The following TECPR2 variants were observed in gnomAD, a reference collection of about 807,000 sequenced individuals.
The protein encoded by TECPR2 is tectonin beta-propeller repeat-containing protein 2.
TECPR2 carries 65 observed loss-of-function variants against 138.1 expected under a neutral mutation model. The observed-to-expected ratio is 0.47, with a 90% CI of 0.39 to 0.58. The LOEUF (loss-of-function observed/expected upper bound fraction) is 0.58. Among genes scored for constraint, TECPR2 ranks in the 20% least tolerant of loss-of-function variants. The pLI, the probability that TECPR2 is intolerant of heterozygous loss-of-function variation, is 0.00. For synonymous variants in TECPR2, 746 were observed against 749.8 expected, an observed-to-expected ratio of 0.99 and a Z score of 0.08; for missense variants, 1,553 against 1,824.5, an observed-to-expected ratio of 0.85 and a Z score of 2.71.
chr14:102,434,644 T>A lies in TECPR2; in HGVS notation c.1827T>A (p.Asn609Lys), dbSNP rs747371241. The A allele has an allele frequency of 6.2e-7, 1 of 1,600,248 alleles. No homozygotes were observed. Among genetic ancestry groups the A allele is most frequent in the Non-Finnish European group, 8.5e-7 (1 of 1,170,526 alleles). ...DEPCPADDGP[N>K]STQLPFQEQD... The stretch of plus-strand genomic sequence containing the variant: ...CGTGTCCTGCAGATGATGGACCAAA[T>A]AGCACACAGTTACCCTTCCAAGAAC... The change falls in exon 9 of 20, where the codon AAT becomes AAA. Residue 609 changes from asparagine to lysine, a missense_variant. Physicochemically the swap from Asn to Lys is moderately conservative, Grantham distance 94. Coordinates refer to ENST00000359520, the MANE Select transcript of TECPR2 (RefSeq NM_014844.5).
At position 102,434,918 on chromosome 14, in the gene TECPR2, G is replaced by C. The variant is rs375056202; in HGVS notation, c.2101G>C (p.Val701Leu). Residue 701 changes from valine (V) to leucine (L), a missense_variant, in exon 9 of 20, where the codon GTC (valine) becomes CTC (leucine). Val to Leu is a conservative substitution (Grantham distance 32). Coordinates refer to ENST00000359520, the MANE Select transcript of TECPR2 (RefSeq NM_014844.5). Reference sequence around the variant, plus strand: ...CCTCAGCACAAATCTCTGGCATGCTGTCACTGATGATGACACAGGTCAGAA... The same window carrying C: ...CCTCAGCACAAATCTCTGGCATGCTCTCACTGATGATGACACAGGTCAGAA... ...GHLSTNLWHAVTDDDTGQKEI... is the reference protein window; with the variant it reads ...GHLSTNLWHALTDDDTGQKEI... The C allele has an allele frequency of 4.0e-5, 64 of 1,613,704 alleles. No individual in the cohort carries two copies. The highest frequency in any genetic ancestry group is 6.7e-5 in the Admixed American group (4 of 60,002).
intron 1 of TECPR2, among the ~76,000 whole-genome samples, chr14:102,363,383 A>G (rs910780489): frequency 1.4e-3 from 207 of 151,800 alleles, no homozygotes; most frequent in African/African-American, 4.9e-3. Flanking sequence ...GCCCCTCCTC[A>G]GGCCTCCGCT....
chr14:102,431,816 T>G lies in TECPR2; in HGVS notation c.1105T>G (p.Ser369Ala). ...TSTVRDGLEM[S>A]GCSERVHVQQ... ...CTTAGTGAGAGATGGTCTGGAGATGTCTGGATGCTCAGAGCGTGTCCACGT... is the reference window on the plus strand; with the variant it reads ...CTTAGTGAGAGATGGTCTGGAGATGGCTGGATGCTCAGAGCGTGTCCACGT... The change falls in exon 8 of 20, where the codon TCT becomes GCT. Residue 369 changes from serine to alanine, a missense_variant. Coordinates refer to ENST00000359520, the MANE Select transcript of TECPR2 (RefSeq NM_014844.5). 2 of 1,577,832 alleles carry G rather than the reference T, an allele frequency of 1.3e-6. No individual in the cohort carries two copies. The highest frequency in any genetic ancestry group is 1.7e-6 in the Non-Finnish European group (2 of 1,155,788).
chr14:102,446,808 C>T (rs1889992949), intron 13 of TECPR2, among the ~76,000 whole-genome samples: 1 of 152,078 alleles, frequency 6.6e-6, no homozygotes, highest in African/African-American at 2.4e-5. Context: ...AAATAATGCA[C>T]TTAATTTATT....
At chr14:102,431,766 C>T (rs1208275642) in intron 7 of TECPR2, 30 bp from the exon 8 acceptor site, 4 of 1,517,838 alleles carry the variant, frequency 2.6e-6, no homozygotes, top group Non-Finnish European at 3.5e-6. Flanking sequence ...CTTGGATCAC[C>T]AGTGGTAAAA....
intron 16 of TECPR2, among the ~76,000 whole-genome samples, chr14:102,460,365 G>A (rs777752102): frequency 3.9e-5 from 6 of 151,924 alleles, no homozygotes; most frequent in Non-Finnish European, 7.4e-5. Context: ...TGTAATCTCA[G>A]CACGTTGGGA....
chr14:102,471,092 C>T (rs970674852), intron 17 of TECPR2, among the ~76,000 whole-genome samples: 1 of 152,124 alleles, frequency 6.6e-6, no homozygotes, highest in African/African-American at 2.4e-5. Context: ...GCTGGGATTA[C>T]AGACGTGAGT....
At chr14:102,374,071 CAA>C (rs953998203) in intron 1 of TECPR2, among the ~76,000 whole-genome samples, 6 of 56,058 alleles carry the variant, frequency 1.1e-4, no homozygotes, top group Admixed American at 3.9e-4. Flanking sequence ...GATTCTGTCT[CAA>C]AAAAAAAAAA....
chr14:102,463,908 A>G (rs1267470622), intron 16 of TECPR2, among the ~76,000 whole-genome samples: 1 of 152,208 alleles, frequency 6.6e-6, no homozygotes, highest in Non-Finnish European at 1.5e-5. Flanking sequence ...TGGATGACAG[A>G]GCAAGACTCC....
intron 5 of TECPR2, among the ~76,000 whole-genome samples, chr14:102,416,760 G>C (rs567298166): frequency 6.6e-6 from 1 of 152,188 alleles, no homozygotes; most frequent in African/African-American, 2.4e-5. Context: ...AAGGTGGGCG[G>C]GTCACTTGAG....
At chr14:102,459,773 A>G (rs1310350481) in intron 16 of TECPR2, among the ~76,000 whole-genome samples, 1 of 152,046 alleles carries the variant, frequency 6.6e-6, no homozygotes, top group Non-Finnish European at 1.5e-5. Context: ...AAAGCAAACC[A>G]AAAAATCTTG....
At position 102,498,418 on chromosome 14, in the gene TECPR2, G is replaced by C; in HGVS notation, c.*161G>C. ...TTTCATCTATGTTGGTTTCTGTCTCGTTCCAGAACCCACAGCCTCCACCCG... is the reference window on the plus strand; with the variant it reads ...TTTCATCTATGTTGGTTTCTGTCTCCTTCCAGAACCCACAGCCTCCACCCG... On this transcript the variant is annotated 3_prime_UTR_variant, in exon 20 of 20. Transcript: ENST00000359520. The C allele has an allele frequency of 1.0e-6, 1 of 960,986 alleles. No homozygotes were observed. The highest frequency in any genetic ancestry group is 1.5e-6 in the Non-Finnish European group (1 of 666,212). 59.5% of individuals were successfully genotyped at this position (960,986 alleles called of 1,614,324 possible). A position where few individuals can be genotyped will look rare whatever the true frequency, so the allele number is the denominator to read the frequency against.
rs764123826 is a variant in TECPR2 at position 102,450,616 on chromosome 14, T to A, written c.3373T>A (p.Phe1125Ile). ...GACAGCTTCTGCTACAAAATGGGCC[T>A]TTGTGTTGGCTTCTGCAGCTCCCAC... is the stretch of plus-strand genomic sequence containing the variant. ...RGTASATKWAFVLASAAPTKE... is the reference protein window; with the variant it reads ...RGTASATKWAIVLASAAPTKE... Residue 1125 changes from phenylalanine (F) to isoleucine (I), a missense_variant, in exon 15 of 20, where the codon TTT becomes ATT. Transcript: ENST00000359520. 6.2e-7 allele frequency: 1 copy of A among 1,614,070 alleles called. No homozygotes were observed. Among genetic ancestry groups the A allele is most frequent in the Non-Finnish European group, 8.5e-7 (1 of 1,180,022 alleles).
At chr14:102,427,117 G>A (rs981728479) in intron 6 of TECPR2, among the ~76,000 whole-genome samples, 3 of 152,100 alleles carry the variant, frequency 2.0e-5, no homozygotes, top group Admixed American at 1.3e-4. Context: ...AAGAAGCATC[G>A]ACTTAGGGGA....
At chr14:102,474,393 T>C (rs922920839) in intron 17 of TECPR2, among the ~76,000 whole-genome samples, 4 of 152,138 alleles carry the variant, frequency 2.6e-5, no homozygotes, top group African/African-American at 9.7e-5. Flanking sequence ...GGGAGGCCCA[T>C]GTGGGCAGAT....
At chr14:102,393,499 C>G (rs1312655845) in intron 2 of TECPR2, among the ~76,000 whole-genome samples, 2 of 152,166 alleles carry the variant, frequency 1.3e-5, no homozygotes, top group Non-Finnish European at 2.9e-5. Flanking sequence ...CATTACAAAG[C>G]ACACATACAA....
At position 102,452,569 on chromosome 14, in the gene TECPR2, G is replaced by A. The variant is rs372271880; in HGVS notation, c.3582G>A (p.Thr1194=). ...GCCTCGGCCAGGTGTTCATCAGGAC[G>A]CTCTCCAAGAGCTGCCCCACGGGCA... ...LDSLGQVFIR[T]LSKSCPTGMH... is the part of the protein sequence containing the mutation. Residue 1194 remains threonine, a synonymous_variant, in exon 16 of 20, where the codon ACG becomes ACA. Coordinates refer to ENST00000359520, the MANE Select transcript of TECPR2 (RefSeq NM_014844.5). 111 of 1,609,588 alleles carry A rather than the reference G, an allele frequency of 6.9e-5. 1 individual carries two copies. Among genetic ancestry groups the A allele is most frequent in the South Asian group, 2.0e-4 (18 of 90,258 alleles).
At chr14:102,494,811 C>T (rs1394071615) in intron 17 of TECPR2, among the ~76,000 whole-genome samples, 2 of 140,976 alleles carry the variant, frequency 1.4e-5, no homozygotes, top group East Asian at 4.2e-4. Context: ...GTAACAAGAG[C>T]GAAACTCCGT....
chr14:102,451,230 AC>A (rs988466771), intron 15 of TECPR2, among the ~76,000 whole-genome samples: 56 of 152,000 alleles, frequency 3.7e-4, no homozygotes, highest in Non-Finnish European at 1.2e-4. Flanking sequence ...CACTTCCCCC[AC>A]CCGCTTAGCT....
Sources: gnomAD v4.1 joint callset for allele counts (sites outside exome capture counted in the v4.1 genomes callset) on GRCh38, gnomAD v4.1.1 for gene constraint, MANE v1.5 for transcripts, NCBI Gene and HGNC (gene_info 2026-07-23, HGNC 2026-07-21) for gene names.